The following LYST variants were observed in gnomAD, a reference collection of about 807,000 sequenced individuals.
LYST encodes lysosomal-trafficking regulator.
Under a neutral mutation model 413.6 loss-of-function variants are expected in LYST, and 192 were observed. The observed-to-expected ratio is 0.46, with a 90% CI of 0.41 to 0.52. The LOEUF (loss-of-function observed/expected upper bound fraction) is 0.52, where lower values mean the gene tolerates loss of function less well. Among genes scored for constraint, LYST ranks in the 20% least tolerant of loss-of-function variants. The pLI, the probability that LYST is intolerant of heterozygous loss-of-function variation, is 0.00. For synonymous variants in LYST, 1,525 were observed against 1,567.3 expected, an observed-to-expected ratio of 0.97 and a Z score of 0.64; for missense variants, 3,815 against 4,499.9, an observed-to-expected ratio of 0.85 and a Z score of 4.35.
chr1:235,741,614 G>T lies in LYST; in HGVS notation c.8166C>A (p.Ala2722=). ...TAGTCCATTGCTGCTTGGAACCACT[G>T]GCTTTACTTGAACCCTAAAATCAAT... is the stretch of plus-strand genomic sequence containing the variant. ...GFKVSIGSSK[A]SGSKQQWTKI... is the part of the protein sequence containing the mutation. Residue 2722 remains alanine (A), a synonymous_variant, in exon 31 of 53, where the codon GCC becomes GCA. Transcript: ENST00000389793. 1 of 1,613,456 alleles carries T rather than the reference G, an allele frequency of 6.2e-7. No individual in the cohort carries two copies. The highest frequency in any genetic ancestry group is 8.5e-7 in the Non-Finnish European group (1 of 1,179,488).
At chr1:235,742,911 A>G (rs1665560687) in intron 30 of LYST, among the ~76,000 whole-genome samples, 2 of 152,186 alleles carry the variant, frequency 1.3e-5, no homozygotes. Flanking sequence ...GTAAAAAGGG[A>G]GAGACTACAT....
At chr1:235,739,782 C>T (rs1399405451) in intron 31 of LYST, among the ~76,000 whole-genome samples, 2 of 152,112 alleles carry the variant, frequency 1.3e-5, no homozygotes, top group East Asian at 3.9e-4. Flanking sequence ...TCAGTGGCTG[C>T]TAAAACTATT....
chr1:235,725,643 A>G (rs567022946), intron 38 of LYST, among the ~76,000 whole-genome samples: 1 of 152,270 alleles, frequency 6.6e-6, no homozygotes, highest in South Asian at 2.1e-4. Context: ...CTTCCGAGTC[A>G]TTCAGCAAAG....
chr1:235,809,096 T>C lies in LYST; in HGVS notation c.1722A>G (p.Leu574=), dbSNP rs762078094. The C allele has an allele frequency of 7.7e-5, 124 of 1,613,990 alleles. No homozygotes were observed. Among genetic ancestry groups the C allele is most frequent in the South Asian group, 9.9e-5 (9 of 91,082 alleles). Residue 574 remains leucine (L), a synonymous_variant, in exon 5 of 53, where the codon CTA becomes CTG. Coordinates refer to ENST00000389793, the MANE Select transcript of LYST (RefSeq NM_000081.4). This position sits in a 1 kb window ranked among gnomAD's most constrained non-coding sequence, Gnocchi z 4.0. ...ATATTCCAATGTTATGAACACCCGA[T>C]AGGATCTGGACACAAGTGCTGCTCA... ...ASLSSTCVQI[L]SGVHNIGICC... is the part of the protein sequence containing the mutation.
chr1:235,816,475 A>T (rs1248747670), intron 3 of LYST, among the ~76,000 whole-genome samples: 2 of 150,590 alleles, frequency 1.3e-5, no homozygotes, highest in African/African-American at 4.9e-5. Context: ...AAAAATAAAA[A>T]AAAAAAGCCA....
intron 13 of LYST, 21 bp from the exon 14 acceptor site, chr1:235,787,394 C>T: frequency 6.2e-7 from 1 of 1,608,674 alleles, no homozygotes; most frequent in East Asian, 2.2e-5. Context: ...AGAGAAAAGG[C>T]ATAGGCTGAA....
At position 235,800,691 on chromosome 1, in the gene LYST, T is replaced by A. The variant is rs145985034; in HGVS notation, c.3939+180A>T. 1.2e-4 allele frequency among the ~76,000 whole-genome samples: 19 copies of A among 152,330 alleles called. No individual in the cohort carries two copies. In the East Asian group the frequency reaches 3.7e-3, roughly 29 times the overall value. ...AGGACATTAATTTTCTATGCTACTT[T>A]AGAAAACTATGGAATTAGAAGATTT... On this transcript the variant is annotated intron_variant, in intron 9 of 52. Coordinates refer to ENST00000389793, the MANE Select transcript of LYST (RefSeq NM_000081.4).
chr1:235,788,748 C>G lies in LYST; in HGVS notation c.4641G>C (p.Leu1547Phe). 1 of 1,613,662 alleles carries G rather than the reference C, an allele frequency of 6.2e-7. No individual in the cohort carries two copies. The highest frequency in any genetic ancestry group is 1.1e-5 in the South Asian group (1 of 91,078). The change falls in exon 13 of 53, where the codon TTG (leucine) becomes TTC (phenylalanine). Residue 1547 changes from leucine (L) to phenylalanine (F), a missense_variant. Physicochemically the swap from Leu to Phe is conservative, Grantham distance 22 (BLOSUM62 0). Coordinates refer to ENST00000389793, the MANE Select transcript of LYST (RefSeq NM_000081.4). ...IHIISLGSKA[L>F]MIQVWADPHN... ...GGGGATCAGCCCACACTTGGATCATCAACGCTTTGGATCCCAGTGAAATTA... is the reference window on the plus strand; with the variant it reads ...GGGGATCAGCCCACACTTGGATCATGAACGCTTTGGATCCCAGTGAAATTA...
intron 3 of LYST, among the ~76,000 whole-genome samples, chr1:235,821,114 T>C (rs890736854): frequency 6.6e-6 from 1 of 152,240 alleles, no homozygotes; most frequent in Non-Finnish European, 1.5e-5. Flanking sequence ...ATTATGCTTG[T>C]ATTGGTCCCA....
At position 235,734,627 on chromosome 1, in the gene LYST, C is replaced by T. The variant is rs769787551; in HGVS notation, c.8391G>A (p.Glu2797=). 1 of 1,611,762 alleles carries T rather than the reference C, an allele frequency of 6.2e-7. No homozygotes were observed. Among genetic ancestry groups the T allele is most frequent in the Non-Finnish European group, 8.5e-7 (1 of 1,178,502 alleles). The change falls in exon 32 of 53, where the codon GAG becomes GAA. Residue 2797 remains glutamate, a synonymous_variant. Coordinates refer to ENST00000389793, the MANE Select transcript of LYST (RefSeq NM_000081.4). ...ATTCACCTTGGTGATTATGTATCAA[C>T]TCTGACAAATACAAAACTAACTTGG... The part of the protein sequence containing the change: ...HGAKLVLYLS[E]LIHNHQGELT...
intron 48 of LYST, among the ~76,000 whole-genome samples, chr1:235,682,689 T>A (rs561231369): frequency 6.6e-6 from 1 of 152,288 alleles, no homozygotes; most frequent in Non-Finnish European, 1.5e-5. Context: ...CAAAAACCAA[T>A]ACATCAGAAA....
In LYST at chr1:235,693,449, T is replaced by C. The variant is rs765504780; in HGVS notation, c.10602A>G (p.Ser3534=). 2.5e-6 allele frequency: 4 copies of C among 1,613,926 alleles called. No homozygotes were observed. The South Asian group carries it at 4.4e-5, about 18-fold the overall frequency. The part of the protein sequence containing the change: ...RSMNSTDIQW[S]AILSWGYADN... ...CAGCATATCCCCAGCTCAGGATGGCTGACCACTGAATGTCCGTACTGTTCA... is the reference window on the plus strand; with the variant it reads ...CAGCATATCCCCAGCTCAGGATGGCCGACCACTGAATGTCCGTACTGTTCA... The change falls in exon 47 of 53, where the codon TCA becomes TCG. Residue 3534 remains serine, a synonymous_variant. Transcript: ENST00000389793.
chr1:235,766,122 G>A lies in LYST; in HGVS notation c.6078C>T (p.Tyr2026=), dbSNP rs80338660. 460 of 1,613,564 alleles carry A rather than the reference G, an allele frequency of 2.9e-4. 3 individuals are homozygous for A. The South Asian group carries it at 4.3e-3, about 15-fold the overall frequency. ...AGAAGTTCGTGGGATTGTGACAAAC[G>A]TAAGTATTAGTAGGAGGGTGAACTG... ...LLAVHPPTNT[Y]VCHNPTNFYF... is the part of the protein sequence containing the mutation. The change falls in exon 21 of 53, where the codon TAC becomes TAT. Residue 2026 remains tyrosine, a synonymous_variant. Coordinates refer to ENST00000389793, the MANE Select transcript of LYST (RefSeq NM_000081.4).
At chr1:235,818,511 C>G (rs1674412293) in intron 3 of LYST, among the ~76,000 whole-genome samples, 1 of 152,004 alleles carries the variant, frequency 6.6e-6, no homozygotes, top group Non-Finnish European at 1.5e-5. Flanking sequence ...TAAAAGGGCC[C>G]CATTTCCATG....
intron 43 of LYST, among the ~76,000 whole-genome samples, chr1:235,709,658 A>C (rs1182014884): frequency 1.3e-5 from 2 of 150,230 alleles, no homozygotes; most frequent in Non-Finnish European, 2.9e-5. Context: ...ATATCTATTC[A>C]ATTGTAAACC....
At chr1:235,712,894 A>G in intron 42 of LYST, 1 of 985,194 alleles carries the variant, frequency 1.0e-6, no homozygotes, top group Non-Finnish European at 1.2e-6. Flanking sequence ...CTTTCTAGCC[A>G]TAGGGAAAGG....
At chr1:235,792,537 A>T (rs1671119959) in intron 11 of LYST, among the ~76,000 whole-genome samples, 1 of 151,666 alleles carries the variant, frequency 6.6e-6, no homozygotes, top group Non-Finnish European at 1.5e-5. Context: ...CTAGTCTTGC[A>T]CTCCTGACCT....
intron 24 of LYST, among the ~76,000 whole-genome samples, chr1:235,756,536 G>C (rs550781966): frequency 6.6e-6 from 1 of 152,088 alleles, no homozygotes; most frequent in Admixed American, 6.6e-5. Flanking sequence ...ATACTAGGTT[G>C]TATTGCAAGT....
At chr1:235,677,729 T>C (rs1659495317) in intron 48 of LYST, 110 bp from the exon 49 acceptor site, 8 of 807,950 alleles carry the variant, frequency 9.9e-6, no homozygotes, top group Admixed American at 3.9e-5. Flanking sequence ...CTCAAACATA[T>C]CATTCTTCAA....
Sources: allele counts gnomAD v4.1 joint callset (sites outside exome capture counted in the v4.1 genomes callset), GRCh38; gene constraint gnomAD v4.1.1; non-coding constraint Gnocchi (gnomAD v3.1); transcripts MANE v1.5; gene names NCBI Gene and HGNC (gene_info 2026-07-23, HGNC 2026-07-21).